Variants in ERICH1 observed in about 807,000 individuals in gnomAD.
The protein encoded by ERICH1 is glutamate-rich protein 1.
Under a neutral mutation model 39.6 loss-of-function variants are expected in ERICH1, and 56 were observed. The ratio of observed to expected loss-of-function variants is 1.41; its 90% CI spans 1.14 to 1.77. The LOEUF is 1.77. Ranked by LOEUF, ERICH1 falls within the 40% of genes most tolerant of loss-of-function variation. The pLI is 0.00. For synonymous variants in ERICH1, 313 were observed against 223.6 expected (o/e 1.40, Z -3.57); for missense variants, 826 against 575.4 (o/e 1.44, Z -4.45).
At chr8:726,782 CACAT>C (rs1291018628) in intron 1 of ERICH1, among the ~76,000 whole-genome samples, 1 of 151,504 alleles carries the variant, frequency 6.6e-6, no homozygotes. Context: ...TACACATACA[CACAT>C]ACATGAACAT....
chr8:640,275 G>A (rs543593918), intron 3 of ERICH1, among the ~76,000 whole-genome samples: 1 of 152,204 alleles, frequency 6.6e-6, no homozygotes, highest in Non-Finnish European at 1.5e-5. Context: ...TATTTTGGCT[G>A]AACTTTTCAC....
At position 716,470 on chromosome 8, in the gene ERICH1, C is replaced by T. The variant is rs1432356436; in HGVS notation, c.23-463G>A. 2.0e-5 allele frequency among the ~76,000 whole-genome samples: 3 copies of T among 152,238 alleles called. No individual in the cohort carries two copies. In the East Asian group the frequency reaches 5.8e-4, roughly 29 times the overall value. On this transcript the variant is annotated intron_variant, in intron 1 of 5. Transcript: ENST00000262109. ...GGCGGGCCCTGAGGCAGGGCAGGCA[C>T]CACCCCGCGCCCTCTGGGAACCCAC...
intron 3 of ERICH1, among the ~76,000 whole-genome samples, chr8:685,075 G>A (rs1052669106): frequency 4.4e-4 from 67 of 152,298 alleles, no homozygotes; most frequent in African/African-American, 1.6e-3. Context: ...AAGCCTGGGG[G>A]CGCTGCAGGA....
chr8:616,347 A>G (rs1796895814), intron 3 of ERICH1: 1 of 345,280 alleles, frequency 2.9e-6, no homozygotes, highest in Non-Finnish European at 5.8e-6. Flanking sequence ...TGCTGAAGAC[A>G]GGCTCCTGTC....
intron 3 of ERICH1, among the ~76,000 whole-genome samples, chr8:651,571 G>A (rs796992043): frequency 6.6e-6 from 1 of 152,124 alleles, no homozygotes; most frequent in Non-Finnish European, 1.5e-5. Flanking sequence ...TGGGAAGGGG[G>A]ATTAGGGAGA....
At chr8:724,429 A>ACGGG (rs1443539201) in intron 1 of ERICH1, among the ~76,000 whole-genome samples, 1 of 152,340 alleles carries the variant, frequency 6.6e-6, no homozygotes, top group Non-Finnish European at 1.5e-5. Flanking sequence ...CCTTACCTTC[A>ACGGG]CGGGCGGCTG....
At chr8:702,421 G>T (rs1003231469) in intron 2 of ERICH1, among the ~76,000 whole-genome samples, 1 of 152,144 alleles carries the variant, frequency 6.6e-6, no homozygotes, top group Non-Finnish European at 1.5e-5. Context: ...TGTACAACCA[G>T]CACCTCTCTA....
chr8:643,556 C>G (rs1392198048), intron 3 of ERICH1, among the ~76,000 whole-genome samples: 2 of 152,078 alleles, frequency 1.3e-5, no homozygotes, highest in East Asian at 3.9e-4. Flanking sequence ...GCCGGCTGGG[C>G]CCTGGCAGCT....
At chr8:705,558 C>T (rs959722833) in intron 2 of ERICH1, among the ~76,000 whole-genome samples, 5 of 151,824 alleles carry the variant, frequency 3.3e-5, no homozygotes, top group Non-Finnish European at 5.9e-5. Context: ...ATGAAACCCA[C>T]AGCTAACATC....
intron 3 of ERICH1, chr8:626,532 A>G: frequency 6.4e-6 from 1 of 155,370 alleles, no homozygotes; most frequent in Non-Finnish European, 1.4e-5. Flanking sequence ...TGAGCACCAG[A>G]CAGAGCTCCC....
chr8:658,301 A>C (rs1395275494), intron 3 of ERICH1, among the ~76,000 whole-genome samples: 1 of 152,118 alleles, frequency 6.6e-6, no homozygotes, highest in Non-Finnish European at 1.5e-5. Context: ...TGCAGGAAGA[A>C]GACTGCCAGC....
Position 716,009 on chromosome 8 carries a change from T to C in ERICH1, c.23-2A>G, listed in dbSNP as rs1815890233. 2 of 1,589,668 alleles carry C rather than the reference T, an allele frequency of 1.3e-6. No individual in the cohort carries two copies. The highest frequency in any genetic ancestry group is 8.5e-7 in the Non-Finnish European group (1 of 1,172,622). ...TCTGCAGCACCTTCTCCACAAACAC[T>C]GTACAGACAACCGATTAAAAGAAAA... On this transcript the variant is annotated splice_acceptor_variant, in intron 1 of 5. Transcript: ENST00000262109. LOFTEE classifies it high-confidence loss of function.
intron 2 of ERICH1, among the ~76,000 whole-genome samples, chr8:695,785 C>G (rs1267907790): frequency 1.4e-5 from 2 of 146,348 alleles, no homozygotes; most frequent in African/African-American, 5.2e-5. Flanking sequence ...CCTTCCTCCC[C>G]ATCAACCTGC....
In ERICH1 at chr8:686,244, T is replaced by C. The variant is rs544256165; in HGVS notation, c.304+6234A>G. Among the ~76,000 whole-genome samples, 395 of 152,304 alleles carry C rather than the reference T, an allele frequency of 2.6e-3. 2 individuals are homozygous for C. Among genetic ancestry groups the C allele is most frequent in the Middle Eastern group, 0.01 (3 of 294 alleles). ...ACAAATATTAATATCTAGTAAAATA[T>C]TCATAAATCACTCTATTTTTGTAAC... On this transcript the variant is annotated intron_variant, in intron 3 of 5. Transcript: ENST00000262109.
At chr8:684,983 T>G (rs1013159927) in intron 3 of ERICH1, among the ~76,000 whole-genome samples, 1 of 151,972 alleles carries the variant, frequency 6.6e-6, no homozygotes, top group Non-Finnish European at 1.5e-5. Context: ...CCACTGTGCA[T>G]ACATTGTCAT....
chr8:679,032 C>T (rs1447361045), intron 3 of ERICH1, among the ~76,000 whole-genome samples: 3 of 150,876 alleles, frequency 2.0e-5, no homozygotes, highest in African/African-American at 7.3e-5. Flanking sequence ...TGACCCCTTA[C>T]AGCTCCCATC....
At chr8:709,510 C>A (rs1814214426) in intron 2 of ERICH1, among the ~76,000 whole-genome samples, 1 of 152,204 alleles carries the variant, frequency 6.6e-6, no homozygotes, top group East Asian at 1.9e-4. Flanking sequence ...CTCATTTGCT[C>A]CCTGGAAAAA....
rs1814290887 is a variant in ERICH1 at position 709,853 on chromosome 8, C to G, written c.169+6008G>C. Reference sequence around the variant, plus strand: ...CATCCATCCATGCATACAGCTTCAACTGCCCCACCTAATTTCATCTTCCTA... The same window carrying G: ...CATCCATCCATGCATACAGCTTCAAGTGCCCCACCTAATTTCATCTTCCTA... On this transcript the variant is annotated intron_variant, in intron 2 of 5. Coordinates refer to ENST00000262109, the MANE Select transcript of ERICH1 (RefSeq NM_207332.3). 4.6e-5 allele frequency among the ~76,000 whole-genome samples: 7 copies of G among 152,354 alleles called. 1 individual carries two copies. In the South Asian group the frequency reaches 1.4e-3, roughly 32 times the overall value.
At position 715,868 on chromosome 8, in the gene ERICH1, A is replaced by C. The variant is rs1815842786; in HGVS notation, c.162T>G (p.Pro54=). Reference sequence around the variant, plus strand: ...ATCTGCAGACAAACTCACCTGTCAAAGGCTCAGCATGTTTCTGGCTCACTT... The same window carrying C: ...ATCTGCAGACAAACTCACCTGTCAACGGCTCAGCATGTTTCTGGCTCACTT... The part of the protein sequence containing the change: ...SEKVSQKHAE[P]LTDTGSETPT... The change falls in exon 2 of 6, where the codon CCT becomes CCG. Residue 54 remains proline (P), a synonymous_variant. Transcript: ENST00000262109. The C allele has an allele frequency of 1.2e-6, 2 of 1,611,358 alleles. No homozygotes were observed. The highest frequency in any genetic ancestry group is 1.7e-6 in the Non-Finnish European group (2 of 1,179,128).
Sources: gnomAD v4.1 joint callset for allele counts (sites outside exome capture counted in the v4.1 genomes callset) on GRCh38, gnomAD v4.1.1 for gene constraint, MANE v1.5 for transcripts, NCBI Gene and HGNC (gene_info 2026-07-23, HGNC 2026-07-21) for gene names.